Variants in RBFOX1 observed in about 807,000 individuals in gnomAD.
RBFOX1 encodes the protein RNA binding protein fox-1 homolog 1.
In RBFOX1, 8 loss-of-function variants were observed where a neutral mutation model predicts 57.7. The ratio of observed to expected loss-of-function variants is 0.14; its 90% confidence interval spans 0.08 to 0.25. The LOEUF (loss-of-function observed/expected upper bound fraction) is 0.25. Among genes scored for constraint, RBFOX1 ranks in the 10% least tolerant of loss-of-function variants. The pLI, the probability that RBFOX1 is intolerant of heterozygous loss-of-function variation, is 1.00. For missense variants in RBFOX1, 611 were observed against 548.5 expected (o/e 1.11, Z -1.14); for synonymous variants, 326 against 222.4 (o/e 1.47, Z -4.15).
intron 4 of RBFOX1, among the ~76,000 whole-genome samples, chr16:7,371,452 A>C (rs1161833401): frequency 6.6e-6 from 1 of 152,224 alleles, no homozygotes; most frequent in Non-Finnish European, 1.5e-5. Flanking sequence ...CATTGTGTAT[A>C]GATATGCACA....
intron 4 of RBFOX1, among the ~76,000 whole-genome samples, chr16:5,882,414 G>GC (rs1369739933): frequency 6.6e-6 from 1 of 152,104 alleles, no homozygotes; most frequent in Non-Finnish European, 1.5e-5. Flanking sequence ...CATTACTTTT[G>GC]CCCCCCTCCC....
chr16:5,251,875 A>C (rs1241372498), intron 1 of RBFOX1, among the ~76,000 whole-genome samples: 3 of 152,152 alleles, frequency 2.0e-5, no homozygotes, highest in African/African-American at 7.2e-5. Context: ...CTATAAATTA[A>C]ATGGAATTAA....
At chr16:6,070,572 C>G (rs28580184) in intron 1 of RBFOX1, among the ~76,000 whole-genome samples, 9,862 of 152,150 alleles carry the variant, frequency 0.065, 876 homozygotes, top group African/African-American at 0.2. Flanking sequence ...CAGAATGATA[C>G]AAAACAGCCC....
intron 4 of RBFOX1, among the ~76,000 whole-genome samples, chr16:7,492,667 T>C (rs2067295910): frequency 6.6e-6 from 1 of 152,164 alleles, no homozygotes; most frequent in Non-Finnish European, 1.5e-5. Context: ...TGAAGGCAGA[T>C]TTTTTTATGA....
intron 3 of RBFOX1, among the ~76,000 whole-genome samples, chr16:6,822,376 T>C (rs1449839234): frequency 6.6e-6 from 1 of 152,208 alleles, no homozygotes; most frequent in Non-Finnish European, 1.5e-5. Context: ...CTTGCAAGAA[T>C]TTGGCTGTCA....
Position 6,351,522 on chromosome 16 carries a change from T to A in RBFOX1, c.-64+34465T>A, listed in dbSNP as rs563644401. On this transcript the variant is annotated intron_variant, in intron 2 of 15. Transcript: ENST00000550418. The stretch of plus-strand genomic sequence containing the variant: ...CCAAGCAGCTGGGACTACAGGCACC[T>A]GCCACCCTGCCCAGCTAACTTTTGT... Among the ~76,000 whole-genome samples, 13 of 151,628 alleles carry A rather than the reference T, an allele frequency of 8.6e-5. No individual in the cohort carries two copies. In the South Asian group the frequency reaches 2.7e-3, roughly 32 times the overall value.
chr16:7,495,152 T>C (rs2068201283), intron 4 of RBFOX1, among the ~76,000 whole-genome samples: 1 of 152,206 alleles, frequency 6.6e-6, no homozygotes, highest in African/African-American at 2.4e-5. Flanking sequence ...ATGATTTCAT[T>C]CTGTTTTATG....
intron 2 of RBFOX1, among the ~76,000 whole-genome samples, chr16:6,537,085 T>A (rs2096745538): frequency 6.6e-6 from 1 of 152,152 alleles, no homozygotes; most frequent in Non-Finnish European, 1.5e-5. Context: ...CATGCTCTAA[T>A]GAATTTTCCT....
chr16:5,439,057 T>C (rs1597071007), intron 1 of RBFOX1, among the ~76,000 whole-genome samples: 1 of 151,722 alleles, frequency 6.6e-6, no homozygotes, highest in Non-Finnish European at 1.5e-5. Flanking sequence ...AGTGATTTTG[T>C]TTTGGGAGGC....
At chr16:5,684,340 C>A (rs1276022885) in intron 3 of RBFOX1, among the ~76,000 whole-genome samples, 1 of 152,140 alleles carries the variant, frequency 6.6e-6, no homozygotes, top group Admixed American at 6.5e-5. Context: ...AGAACCCTGA[C>A]TAATACAGCT....
intron 4 of RBFOX1, among the ~76,000 whole-genome samples, chr16:7,254,507 T>A (rs1031510619): frequency 9.2e-5 from 14 of 151,736 alleles, no homozygotes; most frequent in Admixed American, 3.9e-4. Context: ...TCTTTTTTTT[T>A]ATCAATATAT....
At chr16:6,197,096 T>A (rs1338237876) in intron 1 of RBFOX1, among the ~76,000 whole-genome samples, 1 of 152,176 alleles carries the variant, frequency 6.6e-6, no homozygotes, top group Non-Finnish European at 1.5e-5. Context: ...TAAGGACAAA[T>A]AGAAAGCTTT....
chr16:6,110,868 A>G (rs559121143), intron 1 of RBFOX1, among the ~76,000 whole-genome samples: 1 of 152,324 alleles, frequency 6.6e-6, no homozygotes, highest in Admixed American at 6.5e-5. Flanking sequence ...GCACAGCACC[A>G]GCCCCCACCA....
At chr16:5,311,676 G>A (rs1202745921) in intron 1 of RBFOX1, among the ~76,000 whole-genome samples, 1 of 152,080 alleles carries the variant, frequency 6.6e-6, no homozygotes. Context: ...TCCTATGTTT[G>A]TTGGTCATTT....
chr16:6,430,339 T>G (rs957888819), intron 2 of RBFOX1, among the ~76,000 whole-genome samples: 1 of 152,162 alleles, frequency 6.6e-6, no homozygotes, highest in Non-Finnish European at 1.5e-5. Context: ...GACAAAATGC[T>G]ATGATGTACA....
chr16:7,667,330 G>C (rs977503727), intron 13 of RBFOX1, among the ~76,000 whole-genome samples: 4 of 152,160 alleles, frequency 2.6e-5, no homozygotes, highest in Non-Finnish European at 4.4e-5. Context: ...ATGACCATAA[G>C]TTTAAGAAAT....
In RBFOX1 at chr16:6,541,140, A is replaced by G. The variant is rs534280756; in HGVS notation, c.-63-113463A>G. Reference sequence around the variant, plus strand: ...GAGGGAAAATAACCTGAGTGTTCACAGTGAGTTGGTAGTAGGACACAGATG... The same window carrying G: ...GAGGGAAAATAACCTGAGTGTTCACGGTGAGTTGGTAGTAGGACACAGATG... On this transcript the variant is annotated intron_variant, in intron 2 of 15. Coordinates refer to ENST00000550418, the MANE Select transcript of RBFOX1 (RefSeq NM_018723.4). Among the ~76,000 whole-genome samples, 5 of 152,344 alleles carry G rather than the reference A, an allele frequency of 3.3e-5. No homozygotes were observed. The South Asian group carries it at 1.0e-3, about 32-fold the overall frequency.
At chr16:5,873,908 C>A (rs146136038) in intron 4 of RBFOX1, among the ~76,000 whole-genome samples, 3 of 151,722 alleles carry the variant, frequency 2.0e-5, no homozygotes, top group Non-Finnish European at 4.4e-5. Context: ...AAGTCAAGGG[C>A]CTGAGAAAAG....
At chr16:6,288,235 G>A (rs1031253417) in intron 1 of RBFOX1, among the ~76,000 whole-genome samples, 4 of 53,430 alleles carry the variant, frequency 7.5e-5, no homozygotes, top group Middle Eastern at 9.4e-3. Context: ...AGAATGGTGT[G>A]AACGGTTTTT....
Sources: allele counts gnomAD v4.1 joint callset (sites outside exome capture counted in the v4.1 genomes callset), GRCh38; gene constraint gnomAD v4.1.1; transcripts MANE v1.5; gene names NCBI Gene and HGNC (gene_info 2026-07-23, HGNC 2026-07-21).